PGGT1B: variants seen among roughly 807,000 people sequenced by gnomAD.
PGGT1B encodes the protein protein geranylgeranyltransferase type I subunit beta.
In PGGT1B, 30 loss-of-function variants were observed where a neutral mutation model predicts 46.1. The observed-to-expected ratio is 0.65, with a 90% CI of 0.49 to 0.88. The LOEUF is 0.88. PGGT1B is among the 40% of genes least tolerant of loss of function. The pLI is 0.00. For synonymous variants in PGGT1B, 170 were observed against 160.0 expected (o/e 1.06, Z -0.47); for missense variants, 376 against 455.9 (o/e 0.82, Z 1.60).
At chr5:115,232,866 A>G (rs1173646347) in intron 5 of PGGT1B, among the ~76,000 whole-genome samples, 1 of 152,022 alleles carries the variant, frequency 6.6e-6, no homozygotes, top group African/African-American at 2.4e-5. Context: ...AAGTTAAAAA[A>G]GGAGGGAGAA....
chr5:115,246,330 T>C (rs1747830181), intron 2 of PGGT1B, among the ~76,000 whole-genome samples: 1 of 150,890 alleles, frequency 6.6e-6, no homozygotes, highest in South Asian at 2.1e-4. Flanking sequence ...CACTCCATCC[T>C]GGGTGACAGA....
chr5:115,213,033 C>T (rs1010949496), intron 8 of PGGT1B, among the ~76,000 whole-genome samples: 4 of 152,140 alleles, frequency 2.6e-5, no homozygotes, highest in African/African-American at 7.2e-5. Context: ...CCTCGCTCCA[C>T]GTTTTACCTC....
At chr5:115,235,531 G>A (rs1457083360) in intron 5 of PGGT1B, among the ~76,000 whole-genome samples, 2 of 152,086 alleles carry the variant, frequency 1.3e-5, no homozygotes, top group Non-Finnish European at 2.9e-5. Context: ...CAAGTGAGCA[G>A]ACACAGGGCA....
chr5:115,231,013 G>A lies in PGGT1B; in HGVS notation c.621C>T (p.Asp207=). 6.5e-7 allele frequency: 1 copy of A among 1,542,906 alleles called. No individual in the cohort carries two copies. The highest frequency in any genetic ancestry group is 8.8e-7 in the Non-Finnish European group (1 of 1,133,312). Residue 207 remains aspartate (D), a synonymous_variant, in exon 6 of 9, where the codon GAC becomes GAT. Coordinates refer to ENST00000419445, the MANE Select transcript of PGGT1B (RefSeq NM_005023.4). ...GTCCAGCTCCCTGTGCCAGTCCATTGTCATAGGACTGAAAAAGAAAAACAT... is the reference window on the plus strand; with the variant it reads ...GTCCAGCTCCCTGTGCCAGTCCATTATCATAGGACTGAAAAAGAAAAACAT... ...ITYIRRSMSY[D]NGLAQGAGLE...
chr5:115,238,095 A>T, intron 3 of PGGT1B, 86 bp from the exon 4 acceptor site: 1 of 947,136 alleles, frequency 1.1e-6, no homozygotes, highest in Non-Finnish European at 1.6e-6. Context: ...GTTTTAGTAA[A>T]TAGTAAAATT....
Position 115,216,217 on chromosome 5 carries a change from G to A in PGGT1B, c.952+648C>T, listed in dbSNP as rs1039433455. Among the ~76,000 whole-genome samples, 12 of 152,156 alleles carry A rather than the reference G, an allele frequency of 7.9e-5. 2 individuals carry two copies. The South Asian group carries it at 2.5e-3, about 32-fold the overall frequency. On this transcript the variant is annotated intron_variant, in intron 8 of 8. Coordinates refer to ENST00000419445, the MANE Select transcript of PGGT1B (RefSeq NM_005023.4). ...GGCAGTGGTGCAATCTCGGCTCACT[G>A]GAACCTCTGCTTCCTGGGTTTAAGT...
chr5:115,252,298 C>G lies in PGGT1B; in HGVS notation c.259+839G>C, dbSNP rs531363773. On this transcript the variant is annotated intron_variant, in intron 2 of 8. Coordinates refer to ENST00000419445, the MANE Select transcript of PGGT1B (RefSeq NM_005023.4). ...GTTATATAAAAACAAACACTATGAA[C>G]TTCAAGAATAAAATAGCCACAAACT... 9.8e-4 allele frequency among the ~76,000 whole-genome samples: 149 copies of G among 151,994 alleles called. 2 individuals are homozygous for G. The highest frequency in any genetic ancestry group is 1.9e-3 in the Non-Finnish European group (130 of 67,852).
intron 6 of PGGT1B, among the ~76,000 whole-genome samples, chr5:115,224,391 C>G (rs1169556791): frequency 6.6e-6 from 1 of 152,198 alleles, no homozygotes; most frequent in South Asian, 2.1e-4. Flanking sequence ...ACACTCTTTA[C>G]TTTGTCCAAA....
At chr5:115,239,238 T>G (rs1444374203) in intron 3 of PGGT1B, among the ~76,000 whole-genome samples, 2 of 152,100 alleles carry the variant, frequency 1.3e-5, no homozygotes, top group Admixed American at 6.5e-5. Context: ...AGAACAGGTT[T>G]TTCCCATGTT....
Position 115,222,022 on chromosome 5 carries a change from C to T in PGGT1B, c.659-14G>A. On this transcript the variant is annotated splice_polypyrimidine_tract_variant and intron_variant, in intron 6 of 8. Transcript: ENST00000419445. ...AAGTTGATCCTCCTGTTAATCAAAA[C>T]CACACAACGTTTTAAACTTCAAATT... The T allele has an allele frequency of 1.3e-6, 2 of 1,497,270 alleles. No homozygotes were observed. Among genetic ancestry groups the T allele is most frequent in the South Asian group, 1.4e-5 (1 of 72,302 alleles). 92.7% of individuals were successfully genotyped at this position (1,497,270 alleles called of 1,614,324 possible).
At chr5:115,257,754 T>C (rs1748386116) in intron 1 of PGGT1B, among the ~76,000 whole-genome samples, 1 of 152,188 alleles carries the variant, frequency 6.6e-6, no homozygotes, top group Non-Finnish European at 1.5e-5. Context: ...CATTCCTGCC[T>C]AGATACCAGA....
At chr5:115,249,450 T>C (rs1275383605) in intron 2 of PGGT1B, among the ~76,000 whole-genome samples, 2 of 152,192 alleles carry the variant, frequency 1.3e-5, no homozygotes, top group East Asian at 1.9e-4. Flanking sequence ...GCTGCTGTGT[T>C]GTTCCCCTAT....
intron 2 of PGGT1B, among the ~76,000 whole-genome samples, chr5:115,250,894 T>A (rs1220515561): frequency 6.6e-6 from 1 of 152,166 alleles, no homozygotes; most frequent in Non-Finnish European, 1.5e-5. Context: ...CTTTCTCTCA[T>A]AAACATGCTT....
rs911376669 is a variant in PGGT1B at position 115,236,419 on chromosome 5, T to C, written c.583A>G (p.Lys195Glu). The part of the protein sequence containing the change: ...LNNWSGMDMK[K>E]AITYIRRSMS... ...CTCCTTCTAATATAGGTGATGGCTT[T>C]TTTCATATCCATGCCTGACCAGTTG... is the stretch of plus-strand genomic sequence containing the variant. Residue 195 changes from lysine to glutamate, a missense_variant, in exon 5 of 9, where the codon AAA becomes GAA. Lys to Glu is a moderately conservative substitution (Grantham distance 56). Coordinates refer to ENST00000419445, the MANE Select transcript of PGGT1B (RefSeq NM_005023.4). 1 of 1,596,204 alleles carries C rather than the reference T, an allele frequency of 6.3e-7. No homozygotes were observed. Among genetic ancestry groups the C allele is most frequent in the South Asian group, 1.1e-5 (1 of 87,238 alleles).
intron 8 of PGGT1B, among the ~76,000 whole-genome samples, chr5:115,213,457 T>C (rs1756305259): frequency 6.6e-6 from 1 of 152,170 alleles, no homozygotes; most frequent in Non-Finnish European, 1.5e-5. Context: ...GGCCGACATT[T>C]ATGGCCTTAA....
chr5:115,259,685 CAAAAAAAAAAA>C (rs917531364), intron 1 of PGGT1B, among the ~76,000 whole-genome samples: 26 of 29,472 alleles, frequency 8.8e-4, no homozygotes, highest in South Asian at 6.7e-3. Flanking sequence ...GAGACTGTCT[CAAAAAAAAAAA>C]AAAAAAAAAA....
intron 2 of PGGT1B, among the ~76,000 whole-genome samples, chr5:115,251,633 C>T (rs1377854638): frequency 1.3e-5 from 2 of 151,950 alleles, no homozygotes. Flanking sequence ...TGTTATGGTC[C>T]ATCCTTTTCT....
At position 115,246,941 on chromosome 5, in the gene PGGT1B, G is replaced by A. The variant is rs556933135; in HGVS notation, c.260-5335C>T. ...TAGATGAGAAAGGCAGCAAAAATGG[G>A]AGTATGTACATGGATGTAATATGTG... is the stretch of plus-strand genomic sequence containing the variant. On this transcript the variant is annotated intron_variant, in intron 2 of 8. Coordinates refer to ENST00000419445, the MANE Select transcript of PGGT1B (RefSeq NM_005023.4). Among the ~76,000 whole-genome samples the A allele has an allele frequency of 2.0e-5, 3 of 152,260 alleles. No homozygotes were observed. In the South Asian group the frequency reaches 6.2e-4, roughly 32 times the overall value.
At chr5:115,257,140 C>A (rs923040972) in intron 1 of PGGT1B, among the ~76,000 whole-genome samples, 1 of 151,960 alleles carries the variant, frequency 6.6e-6, no homozygotes, top group Non-Finnish European at 1.5e-5. Context: ...AATTCACAGA[C>A]AAGAGGGTTA....
Sources: allele counts gnomAD v4.1 joint callset (sites outside exome capture counted in the v4.1 genomes callset), GRCh38; gene constraint gnomAD v4.1.1; transcripts MANE v1.5; gene names NCBI Gene and HGNC (gene_info 2026-07-23, HGNC 2026-07-21).